Variants in RADIL observed in about 807,000 individuals in gnomAD.
RADIL encodes the protein Rap associating with DIL domain, also known as ras-associating and dilute domain-containing protein.
Under a neutral mutation model 97.6 loss-of-function variants are expected in RADIL, and 99 were observed. That is an observed-to-expected ratio of 1.01 (90% CI 0.86 to 1.20). The LOEUF is 1.20. Among genes scored for constraint, RADIL ranks in the 50% most tolerant of loss-of-function variants. The probability of loss-of-function intolerance (pLI) is 0.00; values close to 1 mark genes in which losing one functional copy is unlikely to be tolerated. For missense variants in RADIL, 1,765 were observed against 1,498.9 expected (o/e 1.18, Z -2.93); for synonymous variants, 803 against 691.8 (o/e 1.16, Z -2.52).
chr7:4,823,047 C>A (rs1449851144), intron 5 of RADIL, among the ~76,000 whole-genome samples: 1 of 152,116 alleles, frequency 6.6e-6, no homozygotes, highest in Non-Finnish European at 1.5e-5. Flanking sequence ...TGCACAAAGG[C>A]AAAATGAAAT....
At chr7:4,846,051 C>T (rs1187917320) in intron 2 of RADIL, among the ~76,000 whole-genome samples, 3 of 152,158 alleles carry the variant, frequency 2.0e-5, no homozygotes, top group African/African-American at 4.8e-5. Flanking sequence ...ACAGCGACAG[C>T]CCTATGGAGG....
chr7:4,808,187 C>T (rs1782407758), intron 9 of RADIL, among the ~76,000 whole-genome samples: 1 of 144,254 alleles, frequency 6.9e-6, no homozygotes, highest in African/African-American at 2.6e-5. Flanking sequence ...TCTTCTTCTG[C>T]CTTCTTACTC....
intron 2 of RADIL, chr7:4,861,622 A>T: frequency 8.1e-6 from 13 of 1,611,832 alleles, no homozygotes; most frequent in Non-Finnish European, 1.1e-5. Flanking sequence ...CCAAAACTAA[A>T]ATCCTGCGCT....
chr7:4,809,061 G>A (rs1363391814), intron 9 of RADIL: 3 of 966,846 alleles, frequency 3.1e-6, no homozygotes, highest in Non-Finnish European at 3.6e-6. Context: ...CCGTTCCAAT[G>A]CCACTGCCCC....
At chr7:4,882,105 A>G (rs1283762278) in intron 1 of RADIL, 1 of 152,260 alleles carries the variant, frequency 6.6e-6, no homozygotes, top group Non-Finnish European at 1.5e-5. Context: ...CCTGTTACAC[A>G]AACCTTATCT....
intron 1 of RADIL, chr7:4,882,210 G>A (rs61466667): frequency 0.087 from 13,194 of 152,282 alleles, 958 homozygotes; most frequent in African/African-American, 0.2. Flanking sequence ...GCCCGCTTCC[G>A]AATCCCAGAA....
chr7:4,877,677 G>C lies in RADIL; in HGVS notation c.463C>G (p.Arg155Gly). ...GACCTCTTCCTCAGCTCAAACCTCC[G>C]GGATAAACCTTCTCGGGGTTTCCAT... ...ELWKPREGLS[R>G]RFELRKRSDV... The change falls in exon 2 of 15, where the codon CGG becomes GGG. Residue 155 changes from arginine (R) to glycine (G), a missense_variant. By Grantham distance (125) the Arg-to-Gly change is moderately radical. Coordinates refer to ENST00000399583, the MANE Select transcript of RADIL (RefSeq NM_018059.5). 6.2e-7 allele frequency: 1 copy of C among 1,614,114 alleles called. No individual in the cohort carries two copies. Among genetic ancestry groups the C allele is most frequent in the Non-Finnish European group, 8.5e-7 (1 of 1,180,006 alleles).
chr7:4,877,459 A>G (rs1165487260), intron 2 of RADIL, 146 bp downstream of exon 2: 3 of 897,122 alleles, frequency 3.3e-6, no homozygotes, highest in African/African-American at 1.7e-5. Context: ...GAAGGCTTCA[A>G]ACATCCAGGA....
intron 9 of RADIL, among the ~76,000 whole-genome samples, chr7:4,808,011 CT>C (rs373868184): frequency 1.1e-5 from 1 of 88,936 alleles, no homozygotes; most frequent in Non-Finnish European, 2.2e-5. Context: ...TCCCTCCTCC[CT>C]CTCCTCTCCC....
intron 2 of RADIL, among the ~76,000 whole-genome samples, chr7:4,844,450 AC>A (rs1484859988): frequency 6.6e-6 from 1 of 152,224 alleles, no homozygotes. Flanking sequence ...TCTAAAAAAA[AC>A]AAGAAAAGAA....
intron 2 of RADIL, among the ~76,000 whole-genome samples, chr7:4,852,822 C>A (rs561744228): frequency 2.2e-4 from 33 of 152,256 alleles, no homozygotes; most frequent in African/African-American, 7.0e-4. Context: ...GGATTACAGG[C>A]GTGAGCCACC....
chr7:4,832,565 C>T (rs148241432), intron 4 of RADIL, among the ~76,000 whole-genome samples: 4 of 151,862 alleles, frequency 2.6e-5, no homozygotes, highest in Non-Finnish European at 5.9e-5. Flanking sequence ...ATGGTGAAAC[C>T]CCATCTCTAC....
intron 9 of RADIL, among the ~76,000 whole-genome samples, chr7:4,808,150 C>T (rs1782406411): frequency 7.7e-6 from 1 of 129,318 alleles, no homozygotes; most frequent in African/African-American, 3.1e-5. Flanking sequence ...CTCCCCCGTC[C>T]TTCTCTCTCT....
Position 4,834,708 on chromosome 7 carries a change from G to A in RADIL, c.1315C>T (p.Leu439Phe). 7.1e-7 allele frequency: 1 copy of A among 1,408,448 alleles called. No individual in the cohort carries two copies. Among genetic ancestry groups the A allele is most frequent in the Admixed American group, 2.7e-5 (1 of 37,502 alleles). 87.2% of individuals were successfully genotyped at this position (1,408,448 alleles called of 1,614,324 possible). Residue 439 changes from leucine (L) to phenylalanine (F), a missense_variant, in exon 4 of 15, where the codon CTC (leucine) becomes TTC (phenylalanine). Leu to Phe is a conservative substitution (Grantham distance 22). Transcript: ENST00000399583. This position sits in a 1 kb window ranked among gnomAD's most constrained non-coding sequence, Gnocchi z 6.0. ...GAGTGCTGGATGCAGAGGCACAGGA[G>A]GAAGGCGGGGGTCAGCTTGTGGTCG... Reference protein sequence around the residue: ...GDDHKLTPAFLLCLCIQHSAT... With the variant: ...GDDHKLTPAFFLCLCIQHSAT...
rs546583698 is a variant in RADIL at position 4,822,078 on chromosome 7, C to T, written c.1615+316G>A. ...TCCCCTACTGAGTGATCTGTGTACC[C>T]CCCGGGCCCTCCTGCAAGCAGAAGA... On this transcript the variant is annotated intron_variant, in intron 6 of 14. Transcript: ENST00000399583. This position sits in a 1 kb window ranked among gnomAD's most constrained non-coding sequence, Gnocchi z 5.3. Among the ~76,000 whole-genome samples, 1 of 152,088 alleles carries T rather than the reference C, an allele frequency of 6.6e-6. No homozygotes were observed. The highest frequency in any genetic ancestry group is 1.9e-4 in the East Asian group (1 of 5,156).
intron 5 of RADIL, among the ~76,000 whole-genome samples, chr7:4,831,253 A>G (rs1783132276): frequency 6.6e-6 from 1 of 151,900 alleles, no homozygotes; most frequent in African/African-American, 2.4e-5. Flanking sequence ...GGATGGAGCT[A>G]GAGGCTATTA....
In RADIL at chr7:4,814,256, T is replaced by C. The variant is rs1280657446; in HGVS notation, c.2139+1022A>G. On this transcript the variant is annotated intron_variant, in intron 9 of 14. Coordinates refer to ENST00000399583, the MANE Select transcript of RADIL (RefSeq NM_018059.5). The surrounding 1 kb of genome is among the most constrained non-coding windows in gnomAD (Gnocchi z 4.5). ...AAGCAAACTAAATTCATGTGTTCAA[T>C]CTGCCACACGTAGGATCCAGACAGC... 6.6e-6 allele frequency among the ~76,000 whole-genome samples: 1 copy of C among 152,350 alleles called. No individual in the cohort carries two copies. The highest frequency in any genetic ancestry group is 1.9e-4 in the East Asian group (1 of 5,184).
intron 2 of RADIL, among the ~76,000 whole-genome samples, chr7:4,871,823 T>A (rs1315469839): frequency 1.3e-5 from 2 of 152,214 alleles, no homozygotes; most frequent in African/African-American, 4.8e-5. Context: ...AGACATTGGA[T>A]GGGCTGTTTT....
rs749354490 is a variant in RADIL at position 4,800,176 on chromosome 7, C to T, written c.2977G>A (p.Gly993Arg). The T allele has an allele frequency of 2.8e-5, 45 of 1,607,702 alleles. No individual in the cohort carries two copies. Among genetic ancestry groups the T allele is most frequent in the South Asian group, 2.5e-4 (23 of 90,416 alleles). ...PSGLGMGLID[G>R]MHTHLGAPGL... The stretch of plus-strand genomic sequence containing the variant: ...GAGGGTCCTGGGCCACTCACCATCC[C>T]GTCGATCAGGCCCATCCCCAGCCCG... The change falls in exon 13 of 15, where the codon GGG (glycine) becomes AGG (arginine). Residue 993 changes from glycine (G) to arginine (R), a missense_variant. Transcript: ENST00000399583.
Sources: allele counts gnomAD v4.1 joint callset (sites outside exome capture counted in the v4.1 genomes callset), GRCh38; gene constraint gnomAD v4.1.1; non-coding constraint Gnocchi (gnomAD v3.1); transcripts MANE v1.5; gene names NCBI Gene and HGNC (gene_info 2026-07-23, HGNC 2026-07-21).